TPGS2: variants seen among roughly 807,000 people sequenced by gnomAD.
The protein encoded by TPGS2 is polyglutamylase subunit 2.
Under a neutral mutation model 31.1 loss-of-function variants are expected in TPGS2, and 26 were observed. That is an observed-to-expected ratio of 0.84 (90% CI 0.61 to 1.16). The LOEUF (loss-of-function observed/expected upper bound fraction) is 1.16, where lower values mean the gene tolerates loss of function less well. TPGS2 is among the 50% of genes most tolerant of loss of function. The pLI is 0.00. For missense variants in TPGS2, 351 were observed against 363.8 expected (o/e 0.96, Z 0.29); for synonymous variants, 130 against 136.6 (o/e 0.95, Z 0.34).
Position 36,794,366 on chromosome 18 carries a change from C to T in TPGS2, c.*2439G>A. The T allele has an allele frequency of 1.0e-5, 10 of 985,528 alleles. No homozygotes were observed. Among genetic ancestry groups the T allele is most frequent in the Non-Finnish European group, 1.1e-5 (9 of 829,988 alleles). The allele number at this position is 985,528 out of a possible 1,614,324, so 61.0% of individuals were successfully genotyped here. A position where few individuals can be genotyped will look rare whatever the true frequency, so the allele number is the denominator to read the frequency against. The stretch of plus-strand genomic sequence containing the variant: ...GTCTTGAGCCTTTCCTTATCATAAC[C>T]CCCTTCCTTTGATAGCCTTTTGAGA... On this transcript the variant is annotated 3_prime_UTR_variant, in exon 7 of 7. Transcript: ENST00000334295.
At chr18:36,817,381 G>C (rs72885207) in intron 2 of TPGS2, among the ~76,000 whole-genome samples, 18,410 of 151,948 alleles carry the variant, frequency 0.12, 1,383 homozygotes, top group Admixed American at 0.17. Flanking sequence ...AGTTCAAATT[G>C]AGGCTCTGCC....
At position 36,795,981 on chromosome 18, in the gene TPGS2, CCTT is replaced by C. The variant is rs1263149115; in HGVS notation, c.*821_*823del. The C allele has an allele frequency of 1.0e-5, 10 of 985,390 alleles. No individual in the cohort carries two copies. The highest frequency in any genetic ancestry group is 1.2e-4 in the Admixed American group (2 of 16,274). 61.0% of individuals were successfully genotyped at this position (985,390 alleles called of 1,614,324 possible). A position where few individuals can be genotyped will look rare whatever the true frequency, so the allele number is the denominator to read the frequency against. On this transcript the variant is annotated 3_prime_UTR_variant, in exon 7 of 7. Coordinates refer to ENST00000334295, the MANE Select transcript of TPGS2 (RefSeq NM_015476.4). ...AAGAATAAAGTATAGCAGAAGTACA[CCTT>C]CTTTAAAAAGTTAATAAGGAAGATA...
At chr18:36,827,030 A>AT (rs904205856) in intron 1 of TPGS2, among the ~76,000 whole-genome samples, 31 of 151,660 alleles carry the variant, frequency 2.0e-4, no homozygotes, top group Admixed American at 7.9e-4. Context: ...ATATTAATTG[A>AT]TTTTTTTTAA....
In TPGS2 at chr18:36,805,393, C is replaced by T; in HGVS notation, c.363G>A (p.Leu121=). 1.2e-6 allele frequency: 2 copies of T among 1,613,938 alleles called. No homozygotes were observed. Among genetic ancestry groups the T allele is most frequent in the Non-Finnish European group, 1.7e-6 (2 of 1,179,844 alleles). The part of the protein sequence containing the change: ...SLPNAPTLAD[L]EDDTHEASDD... The stretch of plus-strand genomic sequence containing the variant: ...TCCTACCTTCATGTGTATCGTCCTC[C>T]AGGTCTGCCAGAGTGGGTGCATTAG... The change falls in exon 4 of 7, where the codon CTG becomes CTA. Residue 121 remains leucine (L), a synonymous_variant. Transcript: ENST00000334295.
intron 6 of TPGS2, 52 bp from the exon 7 acceptor site, chr18:36,797,102 T>C (rs2044566942): frequency 6.3e-7 from 1 of 1,586,330 alleles, no homozygotes; most frequent in African/African-American, 1.4e-5. Flanking sequence ...AAAATGCCAT[T>C]CTGTGTGCTC....
Position 36,795,773 on chromosome 18 carries a change from G to A in TPGS2, c.*1032C>T. The A allele has an allele frequency of 1.0e-6, 1 of 985,442 alleles. No homozygotes were observed. The highest frequency in any genetic ancestry group is 1.2e-6 in the Non-Finnish European group (1 of 829,936). The allele number at this position is 985,442 out of a possible 1,614,324, so 61.0% of individuals were successfully genotyped here. On this transcript the variant is annotated 3_prime_UTR_variant, in exon 7 of 7. Coordinates refer to ENST00000334295, the MANE Select transcript of TPGS2 (RefSeq NM_015476.4). ...TTGGAAGCCCACCCTGTTCTAAGCA[G>A]GAGACTGCTTGTCCTAAGGATGGCC...
At chr18:36,807,826 C>T in intron 3 of TPGS2, 21 bp downstream of exon 3, 8 of 1,611,152 alleles carry the variant, frequency 5.0e-6, no homozygotes, top group South Asian at 1.1e-5. Flanking sequence ...GAAATGTTCT[C>T]CTACAAGGAG....
Position 36,783,395 on chromosome 18 carries a change from A to G in TPGS2, c.658-264T>C, listed in dbSNP as rs554068342. 2.0e-5 allele frequency among the ~76,000 whole-genome samples: 3 copies of G among 152,304 alleles called. No individual in the cohort carries two copies. The South Asian group carries it at 6.2e-4, about 32-fold the overall frequency. ...GGTGTTCTTGCCCCTGTGTCTTAGC[A>G]CTTATGTCCTAGTATGTATTGAAAT... On this transcript the variant is annotated intron_variant, in intron 6 of 6. Transcript: ENST00000587129.
chr18:36,818,403 CAAA>C (rs113255199), intron 2 of TPGS2: 35 of 120,756 alleles, frequency 2.9e-4, no homozygotes, highest in Admixed American at 4.2e-4. Flanking sequence ...GACTCTGTCT[CAAA>C]AAAAAAAAAA....
rs1335505171 is a variant in TPGS2 at position 36,818,955 on chromosome 18, G to C, written c.104C>G (p.Thr35Ser). The C allele has an allele frequency of 6.2e-7, 1 of 1,613,480 alleles. No homozygotes were observed. Among genetic ancestry groups the C allele is most frequent in the African/African-American group, 1.3e-5 (1 of 74,898 alleles). The change falls in exon 2 of 7, where the codon ACT (threonine) becomes AGT (serine). Residue 35 changes from threonine to serine, a missense_variant. Physicochemically the swap from Thr to Ser is moderately conservative, Grantham distance 58 (BLOSUM62 1). Coordinates refer to ENST00000334295, the MANE Select transcript of TPGS2 (RefSeq NM_015476.4). Reference protein sequence around the residue: ...TRILESSPGVTEVTIIEKPPA... With the variant: ...TRILESSPGVSEVTIIEKPPA... ...AGGCTTTTCTATGATGGTCACCTCA[G>C]TCACACCTGGGGAAGATTCTGGAAG...
intron 1 of TPGS2, among the ~76,000 whole-genome samples, chr18:36,828,355 A>G (rs11662126): frequency 0.12 from 18,476 of 151,934 alleles, 1,389 homozygotes; most frequent in Admixed American, 0.17. Context: ...AATGCCTCCT[A>G]GGGGGAGATC....
chr18:36,823,489 C>G (rs2045990314), intron 1 of TPGS2, among the ~76,000 whole-genome samples: 1 of 86,734 alleles, frequency 1.2e-5, no homozygotes, highest in Non-Finnish European at 2.3e-5. Context: ...GAGACGGAGT[C>G]TCGCTCTGTC....
At chr18:36,787,366 T>C (rs1177126358) in intron 6 of TPGS2, among the ~76,000 whole-genome samples, 1 of 152,220 alleles carries the variant, frequency 6.6e-6, no homozygotes, top group African/African-American at 2.4e-5. Context: ...TAATAGTATC[T>C]GCCTAAAAAT....
intron 1 of TPGS2, 102 bp downstream of exon 1, chr18:36,828,581 C>T (rs1020889253): frequency 6.8e-6 from 9 of 1,314,702 alleles, no homozygotes; most frequent in African/African-American, 1.5e-5. Flanking sequence ...ATGTCCACTC[C>T]TGTTCTGGGG....
chr18:36,809,891 T>C (rs2045341299), intron 2 of TPGS2, among the ~76,000 whole-genome samples: 1 of 152,224 alleles, frequency 6.6e-6, no homozygotes, highest in Admixed American at 6.5e-5. Context: ...CAGTAATTAA[T>C]AGTAATTATA....
At chr18:36,799,983 T>A (rs1314454475) in intron 5 of TPGS2, among the ~76,000 whole-genome samples, 1 of 152,186 alleles carries the variant, frequency 6.6e-6, no homozygotes, top group African/African-American at 2.4e-5. Flanking sequence ...TATTTGGCAA[T>A]AACTCACAAA....
chr18:36,805,290 A>G (rs2045059499), intron 4 of TPGS2, 84 bp downstream of exon 4: 1 of 1,473,090 alleles, frequency 6.8e-7, no homozygotes, highest in South Asian at 1.2e-5. Context: ...TCATTCATGC[A>G]CCAAGATTCA....
Position 36,807,831 on chromosome 18 carries a change from A to G in TPGS2, c.253+16T>C, listed in dbSNP as rs1310098642. Reference sequence around the variant, plus strand: ...CTCAGCCAGGGAAATGTTCTCCTACAAGGAGGCTGACTCACCATCCAGCTT... The same window carrying G: ...CTCAGCCAGGGAAATGTTCTCCTACGAGGAGGCTGACTCACCATCCAGCTT... On this transcript the variant is annotated intron_variant, in intron 3 of 6. Coordinates refer to ENST00000334295, the MANE Select transcript of TPGS2 (RefSeq NM_015476.4). 6.2e-7 allele frequency: 1 copy of G among 1,612,516 alleles called. No homozygotes were observed. Among genetic ancestry groups the G allele is most frequent in the Non-Finnish European group, 8.5e-7 (1 of 1,178,826 alleles).
chr18:36,826,434 G>A (rs1027145444), intron 1 of TPGS2, among the ~76,000 whole-genome samples: 2 of 146,212 alleles, frequency 1.4e-5, no homozygotes, highest in Non-Finnish European at 3.1e-5. Context: ...GTGTGTGTGT[G>A]TGTGTGTGGA....
Sources: gnomAD v4.1 joint callset for allele counts (sites outside exome capture counted in the v4.1 genomes callset) on GRCh38, gnomAD v4.1.1 for gene constraint, MANE v1.5 for transcripts, NCBI Gene and HGNC (gene_info 2026-07-23, HGNC 2026-07-21) for gene names.